FLNB: variants seen among roughly 807,000 people sequenced by gnomAD.
FLNB encodes filamin B, also known as filamin-B.
A neutral mutation model predicts 250.6 loss-of-function variants in FLNB; 111 were observed. That is an observed-to-expected ratio of 0.44 (90% CI 0.38 to 0.52). The LOEUF (loss-of-function observed/expected upper bound fraction) is 0.52. Among genes scored for constraint, FLNB ranks in the 20% least tolerant of loss-of-function variants. The pLI, the probability that FLNB is intolerant of heterozygous loss-of-function variation, is 0.00. For synonymous variants in FLNB, 1,302 were observed against 1,372.1 expected, an observed-to-expected ratio of 0.95 and a Z score of 1.13; for missense variants, 2,869 against 3,447.8, an observed-to-expected ratio of 0.83 and a Z score of 4.20.
chr3:58,030,197 G>C (rs973919744), intron 1 of FLNB, among the ~76,000 whole-genome samples: 1 of 152,186 alleles, frequency 6.6e-6, no homozygotes, highest in African/African-American at 2.4e-5. Context: ...GAGACATTGT[G>C]TATGGGGTGA....
At chr3:58,066,310 C>A (rs1205403815) in intron 1 of FLNB, among the ~76,000 whole-genome samples, 1 of 151,098 alleles carries the variant, frequency 6.6e-6, no homozygotes, top group Non-Finnish European at 1.5e-5. Context: ...ACCTCTACCT[C>A]CTGGGTTCAA....
At chr3:58,097,097 C>T (rs375779344) in intron 6 of FLNB, among the ~76,000 whole-genome samples, 64 of 152,242 alleles carry the variant, frequency 4.2e-4, no homozygotes, top group African/African-American at 1.5e-3. Flanking sequence ...TGGAAGAAAG[C>T]CCTCAACAGC....
Position 58,106,299 on chromosome 3 carries a change from TG to T in FLNB, c.1748-379del, listed in dbSNP as rs2097259396. 2.0e-5 allele frequency among the ~76,000 whole-genome samples: 3 copies of T among 151,248 alleles called. No homozygotes were observed. In the South Asian group the frequency reaches 6.3e-4, roughly 32 times the overall value. On this transcript the variant is annotated intron_variant, in intron 11 of 45. Coordinates refer to ENST00000295956, the MANE Select transcript of FLNB (RefSeq NM_001457.4). ...CCACATCTCCAACAGAAGGGTTTGC[TG>T]GTTGGACTTCCCCTGTTGGATGATG... is the stretch of plus-strand genomic sequence containing the variant.
intron 1 of FLNB, among the ~76,000 whole-genome samples, chr3:58,017,911 C>A (rs752576039): frequency 2.6e-5 from 4 of 152,180 alleles, no homozygotes; most frequent in Non-Finnish European, 5.9e-5. Flanking sequence ...GCCGCTGACT[C>A]TCTCCCTTTC....
rs926332330 is a variant in FLNB at position 58,123,383 on chromosome 3, G to A, written c.3417G>A (p.Ser1139=). The change falls in exon 21 of 46, where the codon TCG becomes TCA. Residue 1139 remains serine, a synonymous_variant. Coordinates refer to ENST00000295956, the MANE Select transcript of FLNB (RefSeq NM_001457.4). ...MPFDPSKVVA[S]GPGLEHGKVG... ...TTGACCCCTCTAAAGTCGTGGCATC[G>A]GGGCCAGGTCTCGAGCACGGGAAGG... 12 of 1,614,104 alleles carry A rather than the reference G, an allele frequency of 7.4e-6. No individual in the cohort carries two copies. Among genetic ancestry groups the A allele is most frequent in the East Asian group, 2.2e-5 (1 of 44,884 alleles).
chr3:58,075,063 TAAAA>T (rs1217853945), intron 1 of FLNB, among the ~76,000 whole-genome samples: 1 of 152,106 alleles, frequency 6.6e-6, no homozygotes, highest in East Asian at 1.9e-4. Context: ...TCAGGTTAAT[TAAAA>T]AAATAAGGCT....
At chr3:58,071,225 A>G (rs1346456645) in intron 1 of FLNB, among the ~76,000 whole-genome samples, 1 of 146,288 alleles carries the variant, frequency 6.8e-6, no homozygotes, top group African/African-American at 2.5e-5. Context: ...TAGTGCTGGG[A>G]TTACAGAGAT....
At chr3:58,048,358 G>A (rs2097157271) in intron 1 of FLNB, among the ~76,000 whole-genome samples, 1 of 152,214 alleles carries the variant, frequency 6.6e-6, no homozygotes, top group South Asian at 2.1e-4. Flanking sequence ...AGAACAGGGT[G>A]GAGCCTGGGA....
chr3:58,107,741 G>A (rs1284816045), intron 12 of FLNB, among the ~76,000 whole-genome samples: 1 of 152,238 alleles, frequency 6.6e-6, no homozygotes, highest in African/African-American at 2.4e-5. Flanking sequence ...TGGCTGACAG[G>A]GAGTTGGCCC....
Position 58,018,555 on chromosome 3 carries a change from A to G in FLNB, c.292+9699A>G, listed in dbSNP as rs1399297771. Among the ~76,000 whole-genome samples, 3 of 146,608 alleles carry G rather than the reference A, an allele frequency of 2.0e-5. No individual in the cohort carries two copies. The East Asian group carries it at 6.0e-4, about 29-fold the overall frequency. ...TTTTAAGACAGGGTCTCACTCTGTC[A>G]CCCAGGCTGGAGTACAGTGGCGCGA... is the stretch of plus-strand genomic sequence containing the variant. On this transcript the variant is annotated intron_variant, in intron 1 of 45. Coordinates refer to ENST00000295956, the MANE Select transcript of FLNB (RefSeq NM_001457.4).
chr3:58,125,832 A>T, intron 23 of FLNB, 89 bp downstream of exon 23: 3 of 1,270,644 alleles, frequency 2.4e-6, no homozygotes, highest in Non-Finnish European at 3.4e-6. Context: ...TTTTGATAAG[A>T]TGAATTTTTA....
chr3:58,146,175 C>T (rs75036310), intron 33 of FLNB, 126 bp downstream of exon 33: 16 of 1,102,390 alleles, frequency 1.5e-5, no homozygotes, highest in Middle Eastern at 2.6e-4. Flanking sequence ...TCTTTTCTCT[C>T]GTGTAAATCT....
intron 1 of FLNB, among the ~76,000 whole-genome samples, chr3:58,069,188 T>C: frequency 6.7e-6 from 1 of 149,970 alleles, no homozygotes; most frequent in African/African-American, 2.4e-5. Context: ...TATGTGCTGC[T>C]CTTTTCTTTC....
Position 58,169,518 on chromosome 3 carries a change from G to C in FLNB, c.7418-72G>C. 1 of 1,247,778 alleles carries C rather than the reference G, an allele frequency of 8.0e-7. No homozygotes were observed. Among genetic ancestry groups the C allele is most frequent in the Non-Finnish European group, 1.2e-6 (1 of 846,366 alleles). 77.3% of individuals were successfully genotyped at this position (1,247,778 alleles called of 1,614,324 possible). On this transcript the variant is annotated intron_variant, in intron 44 of 45. Transcript: ENST00000295956. This position sits in a 1 kb window ranked among gnomAD's most constrained non-coding sequence, Gnocchi z 4.8. The stretch of plus-strand genomic sequence containing the variant: ...CCTGGGGTTACTGTGTAGGGTACTC[G>C]CCTGTCCTCTGGCTGAGAGACCCCT...
At chr3:58,056,289 G>A (rs1224368857) in intron 1 of FLNB, among the ~76,000 whole-genome samples, 1 of 151,362 alleles carries the variant, frequency 6.6e-6, no homozygotes, top group African/African-American at 2.4e-5. Flanking sequence ...TTTAATAGAG[G>A]TGGGGGTTTC....
intron 4 of FLNB, among the ~76,000 whole-genome samples, chr3:58,082,788 G>T (rs1466611438): frequency 6.7e-6 from 1 of 150,256 alleles, no homozygotes; most frequent in Non-Finnish European, 1.5e-5. Flanking sequence ...AAAAAAAAAC[G>T]AGAAAGAAAA....
intron 1 of FLNB, among the ~76,000 whole-genome samples, chr3:58,030,476 C>A (rs2097129350): frequency 6.6e-6 from 1 of 152,138 alleles, no homozygotes; most frequent in Non-Finnish European, 1.5e-5. Context: ...TGTGAGAACT[C>A]CACTCTGACC....
At chr3:58,168,735 A>G (rs1336226650) in intron 44 of FLNB, 77 bp downstream of exon 44, 6 of 1,083,664 alleles carry the variant, frequency 5.5e-6, no homozygotes, top group African/African-American at 1.6e-5. Context: ...AGTGGAAACT[A>G]TGGATGGTTT....
rs1178361069 is a variant in FLNB, at chr3:58,102,353, T to G, written c.1483+13T>G. 1.1e-5 allele frequency: 18 copies of G among 1,613,960 alleles called. No homozygotes were observed. Among genetic ancestry groups the G allele is most frequent in the Non-Finnish European group, 1.4e-5 (16 of 1,179,968 alleles). On this transcript the variant is annotated intron_variant, in intron 9 of 45. Coordinates refer to ENST00000295956, the MANE Select transcript of FLNB (RefSeq NM_001457.4). ...ATGAAGGGTCCTAGTAAGTGTTCCTTTGTTTCTCTATCTCAGGTGTGGTTT... is the reference window on the plus strand; with the variant it reads ...ATGAAGGGTCCTAGTAAGTGTTCCTGTGTTTCTCTATCTCAGGTGTGGTTT...
Sources: gnomAD v4.1 joint callset for allele counts (sites outside exome capture counted in the v4.1 genomes callset) on GRCh38, gnomAD v4.1.1 for gene constraint, Gnocchi (gnomAD v3.1) non-coding constraint, MANE v1.5 for transcripts, NCBI Gene and HGNC (gene_info 2026-07-23, HGNC 2026-07-21) for gene names.